SH3GL3: variants seen among roughly 807,000 people sequenced by gnomAD.
SH3GL3 encodes the protein SH3 domain containing GRB2 like 3, endophilin A3, also known as endophilin-A3.
In SH3GL3, 33 loss-of-function variants were observed where a neutral mutation model predicts 47.7. That is an observed-to-expected ratio of 0.69 (90% CI 0.52 to 0.92). The LOEUF (loss-of-function observed/expected upper bound fraction) is 0.92. Among genes scored for constraint, SH3GL3 ranks in the 40% least tolerant of loss-of-function variants. The probability of loss-of-function intolerance (pLI) is 0.00; values close to 1 mark genes in which losing one functional copy is unlikely to be tolerated. For synonymous variants in SH3GL3, 155 were observed against 148.8 expected (o/e 1.04, Z -0.30); for missense variants, 363 against 417.8 (o/e 0.87, Z 1.14).
chr15:83,470,203 A>G (rs144600910), intron 1 of SH3GL3, among the ~76,000 whole-genome samples: 106 of 152,006 alleles, frequency 7.0e-4, no homozygotes, highest in Middle Eastern at 3.4e-3. Flanking sequence ...CAACCTGCCT[A>G]TATTGCTATA....
chr15:83,471,709 T>C (rs117550802), intron 1 of SH3GL3, among the ~76,000 whole-genome samples: 248 of 152,316 alleles, frequency 1.6e-3, no homozygotes, highest in Non-Finnish European at 3.1e-3. Context: ...TAAACTTGAT[T>C]AAATTTGTCT....
At chr15:83,580,907 A>G (rs996560967) in intron 6 of SH3GL3, among the ~76,000 whole-genome samples, 34 of 152,226 alleles carry the variant, frequency 2.2e-4, no homozygotes, top group African/African-American at 8.0e-4. Context: ...GGGCCTGGCG[A>G]GAGGACTTAG....
At chr15:83,572,501 A>G in intron 4 of SH3GL3, 64 bp from the exon 5 acceptor site, 5 of 1,383,116 alleles carry the variant, frequency 3.6e-6, no homozygotes, top group Non-Finnish European at 5.0e-6. Context: ...AATGAAATAA[A>G]TAGCACTGTT....
chr15:83,617,965 T>A (rs1225665390), intron 8 of SH3GL3, 117 bp from the exon 9 acceptor site: 2 of 701,636 alleles, frequency 2.9e-6, no homozygotes, highest in African/African-American at 1.8e-5. Flanking sequence ...GCTGGCCTTG[T>A]GGGAAGGAAG....
chr15:83,623,263 G>C (rs1016264713), downstream of SH3GL3, among the ~76,000 whole-genome samples: 1 of 152,150 alleles, frequency 6.6e-6, no homozygotes, highest in Non-Finnish European at 1.5e-5. Flanking sequence ...CCCCAAATCA[G>C]TGACTTAACC....
intron 1 of SH3GL3, among the ~76,000 whole-genome samples, chr15:83,553,886 A>C: frequency 6.6e-6 from 1 of 151,884 alleles, no homozygotes; most frequent in East Asian, 1.9e-4. Context: ...CTCAATTTTT[A>C]TTCTCACCGT....
chr15:83,474,256 A>G (rs2040989502), intron 1 of SH3GL3, among the ~76,000 whole-genome samples: 2 of 152,142 alleles, frequency 1.3e-5, no homozygotes, highest in Non-Finnish European at 2.9e-5. Context: ...TAGTAATTAT[A>G]TGCTAAATGT....
the SH3GL3 span, among the ~76,000 whole-genome samples, chr15:83,628,520 A>G: frequency 2.1e-4 from 32 of 152,288 alleles, no homozygotes; most frequent in East Asian, 7.7e-4. Flanking sequence ...ACGTAGGTGG[A>G]TCACATGAGG....
chr15:83,611,553 G>A (rs1412998444), intron 8 of SH3GL3: 2 of 151,948 alleles, frequency 1.3e-5, no homozygotes, highest in African/African-American at 4.8e-5. Flanking sequence ...GCAGCCACCT[G>A]GGAGCTCCTA....
the SH3GL3 span, among the ~76,000 whole-genome samples, chr15:83,629,982 C>A: frequency 3.3e-5 from 5 of 152,150 alleles, no homozygotes; most frequent in African/African-American, 1.2e-4. Flanking sequence ...GGGAGGGACC[C>A]AGTGAGAGGT....
At chr15:83,541,089 C>T (rs187048546) in intron 1 of SH3GL3, among the ~76,000 whole-genome samples, 1 of 152,092 alleles carries the variant, frequency 6.6e-6, no homozygotes, top group Non-Finnish European at 1.5e-5. Context: ...TCCTCCACTT[C>T]CATCTGTGTT....
chr15:83,535,395 T>C, intron 1 of SH3GL3, among the ~76,000 whole-genome samples: 1 of 152,198 alleles, frequency 6.6e-6, no homozygotes, highest in East Asian at 1.9e-4. Flanking sequence ...ATTCAGTCAT[T>C]CTATTATACA....
chr15:83,515,945 AG>A (rs1233958880), intron 1 of SH3GL3, among the ~76,000 whole-genome samples: 1 of 152,266 alleles, frequency 6.6e-6, no homozygotes, highest in Non-Finnish European at 1.5e-5. Context: ...TATACATCAC[AG>A]TAATAAATTG....
At chr15:83,507,790 G>C (rs956208576) in intron 1 of SH3GL3, among the ~76,000 whole-genome samples, 2 of 152,094 alleles carry the variant, frequency 1.3e-5, no homozygotes, top group African/African-American at 4.8e-5. Context: ...TAGGTGCTTG[G>C]AATATATCTA....
Position 83,500,549 on chromosome 15 carries a change from C to G in SH3GL3, c.45+52971C>G, listed in dbSNP as rs186361541. On this transcript the variant is annotated intron_variant, in intron 1 of 8. Transcript: ENST00000427482. ...TTGGGTGAGATGCTGCATTGGGGGC[C>G]TAGAACCTGGCTTCTCGAGTGGCTG... 2.5e-3 allele frequency among the ~76,000 whole-genome samples: 385 copies of G among 152,302 alleles called. 1 individual carries two copies. The highest frequency in any genetic ancestry group is 0.014 in the Middle Eastern group (4 of 294).
intron 1 of SH3GL3, among the ~76,000 whole-genome samples, chr15:83,460,043 TCCC>T (rs1390421348): frequency 1.8e-5 from 1 of 55,702 alleles, no homozygotes; most frequent in Non-Finnish European, 3.5e-5. Flanking sequence ...CCTCCCTCCC[TCCC>T]TCCCTCCCTG....
chr15:83,576,870 T>A (rs2059695635), intron 6 of SH3GL3, 129 bp downstream of exon 6: 12 of 425,626 alleles, frequency 2.8e-5, no homozygotes, highest in East Asian at 1.3e-4. Flanking sequence ...GGGCCACACA[T>A]AAAATACACT....
intron 8 of SH3GL3, chr15:83,611,691 G>T (rs2060670564): frequency 6.6e-6 from 1 of 152,416 alleles, no homozygotes; most frequent in Non-Finnish European, 1.5e-5. Flanking sequence ...ACAGGGATGG[G>T]ACGCTGGGTA....
intron 1 of SH3GL3, among the ~76,000 whole-genome samples, chr15:83,494,652 C>T (rs771399997): frequency 7.3e-5 from 11 of 151,702 alleles, no homozygotes; most frequent in Non-Finnish European, 1.6e-4. Flanking sequence ...AAGCGATTCT[C>T]CTGCCTCAGG....
Sources: gnomAD v4.1 joint callset for allele counts (sites outside exome capture counted in the v4.1 genomes callset) on GRCh38, gnomAD v4.1.1 for gene constraint, MANE v1.5 for transcripts, NCBI Gene and HGNC (gene_info 2026-07-23, HGNC 2026-07-21) for gene names.